NUDT1: variants seen among roughly 807,000 people sequenced by gnomAD.
The protein encoded by NUDT1 is nudix hydrolase 1.
A neutral mutation model predicts 11.3 loss-of-function variants in NUDT1; 16 were observed. That is an observed-to-expected ratio of 1.41 (90% CI 0.96 to 2.15). The LOEUF is 2.15. NUDT1 is among the 30% of genes most tolerant of loss of function. NUDT1 has a pLI of 0.00. For synonymous variants in NUDT1, 101 were observed against 84.4 expected (o/e 1.20, Z -1.08); for missense variants, 234 against 208.4 (o/e 1.12, Z -0.76).
chr7:2,246,172 C>T (rs1270445534), intron 2 of NUDT1, among the ~76,000 whole-genome samples: 1 of 152,216 alleles, frequency 6.6e-6, no homozygotes, highest in Non-Finnish European at 1.5e-5. Flanking sequence ...GCTAAGACTG[C>T]CCATCAGCTC....
chr7:2,246,878 A>C (rs1003924494), intron 2 of NUDT1, among the ~76,000 whole-genome samples: 1 of 152,150 alleles, frequency 6.6e-6, no homozygotes. Flanking sequence ...CGGCTTCCCA[A>C]AGTGCTGTGA....
At chr7:2,244,451 T>TTCCCCCCCCC in intron 1 of NUDT1, 112 bp from the exon 2 acceptor site, 18 of 981,610 alleles carry the variant, frequency 1.8e-5, no homozygotes, top group Non-Finnish European at 2.5e-5. Flanking sequence ...AGTTACAGCA[T>TTCCCCCCCCC]ACCCCCCCGC....
At chr7:2,247,408 C>T (rs769408104) in intron 2 of NUDT1, among the ~76,000 whole-genome samples, 1 of 152,132 alleles carries the variant, frequency 6.6e-6, no homozygotes, top group South Asian at 2.1e-4. Flanking sequence ...GGGACAGGCA[C>T]GTAGGGAGTA....
chr7:2,249,636 G>A, intron 2 of NUDT1: 2 of 605,636 alleles, frequency 3.3e-6, no homozygotes, highest in East Asian at 5.8e-5. Flanking sequence ...CCTCCCCAGA[G>A]CCTCTCAACC....
chr7:2,247,946 T>C (rs1794835060), intron 2 of NUDT1: 1 of 152,236 alleles, frequency 6.6e-6, no homozygotes, highest in South Asian at 2.1e-4. Flanking sequence ...GAAGCACACG[T>C]TCACTTTGTA....
At chr7:2,249,223 T>C (rs1378852755) in intron 2 of NUDT1, 1 of 153,986 alleles carries the variant, frequency 6.5e-6, no homozygotes, top group Non-Finnish European at 1.4e-5. Context: ...ACGTGTCCCG[T>C]GTGGTCAGCC....
At chr7:2,248,240 A>C (rs1260151754) in intron 2 of NUDT1, 1 of 152,200 alleles carries the variant, frequency 6.6e-6, no homozygotes, top group Non-Finnish European at 1.5e-5. Context: ...AGAGGAGGAG[A>C]CTGAGGTGCC....
At position 2,249,932 on chromosome 7, in the gene NUDT1, C is replaced by T. The variant is rs777621281; in HGVS notation, c.228C>T (p.Gly76=). 6.1e-5 allele frequency: 98 copies of T among 1,614,066 alleles called. No homozygotes were observed. The highest frequency in any genetic ancestry group is 8.0e-5 in the African/African-American group (6 of 74,934). ...GCCAGATCGTGTTTGAGTTCGTGGGCGAGCCTGAGCTCATGGACGTGCATG... is the reference window on the plus strand; with the variant it reads ...GCCAGATCGTGTTTGAGTTCGTGGGTGAGCCTGAGCTCATGGACGTGCATG... ...KVGQIVFEFV[G]EPELMDVHVF... Residue 76 remains glycine, a synonymous_variant, in exon 3 of 4, where the codon GGC becomes GGT. Coordinates refer to ENST00000356714, the MANE Select transcript of NUDT1 (RefSeq NM_002452.4).
rs1434384779 is a variant in NUDT1, at chr7:2,249,851, C to T, written c.153-6C>T. ...GCCTCCCTCCCCTGCCCACCTCTGC[C>T]CGCAGGGAGCTGCAGGAGGAGAGCG... On this transcript the variant is annotated splice_polypyrimidine_tract_variant and splice_region_variant and intron_variant, in intron 2 of 3. Transcript: ENST00000356714. 2 of 1,612,950 alleles carry T rather than the reference C, an allele frequency of 1.2e-6. No individual in the cohort carries two copies. Among genetic ancestry groups the T allele is most frequent in the Non-Finnish European group, 1.7e-6 (2 of 1,180,018 alleles).
Position 2,251,028 on chromosome 7 carries a change from G to GGA in NUDT1, c.*30_*31dup. The GGA allele has an allele frequency of 1.2e-6, 2 of 1,612,820 alleles. No homozygotes were observed. Among genetic ancestry groups the GGA allele is most frequent in the Non-Finnish European group, 1.7e-6 (2 of 1,179,420 alleles). ...GGGAGCCCAGGGCAGCCCCTGGGCA[G>GGA]GAGACGTGGCTGCTGAACAGCCGCA... is the stretch of plus-strand genomic sequence containing the variant. On this transcript the variant is annotated 3_prime_UTR_variant, in exon 4 of 4. Transcript: ENST00000356714.
At chr7:2,244,414 G>A in intron 1 of NUDT1, 149 bp from the exon 2 acceptor site, 1 of 743,036 alleles carries the variant, frequency 1.3e-6, no homozygotes, top group East Asian at 2.7e-5. Context: ...CCTGCCACAA[G>A]GGAAGCCACA....
chr7:2,244,832 G>C, intron 2 of NUDT1, 106 bp downstream of exon 2: 1 of 1,374,380 alleles, frequency 7.3e-7, no homozygotes, highest in South Asian at 1.3e-5. Context: ...AAGTGACCTG[G>C]AGCAGGGGGT....
At chr7:2,246,812 T>A (rs1282508849) in intron 2 of NUDT1, among the ~76,000 whole-genome samples, 1 of 152,058 alleles carries the variant, frequency 6.6e-6, no homozygotes, top group African/African-American at 2.4e-5. Context: ...GACGGGGGTT[T>A]CACCATGTTG....
intron 2 of NUDT1, among the ~76,000 whole-genome samples, chr7:2,246,531 T>C (rs34726594): frequency 0.012 from 1,840 of 152,268 alleles, 32 homozygotes; most frequent in African/African-American, 0.042. Flanking sequence ...ATGGAGGAAC[T>C]CCAGGTGGCT....
At chr7:2,243,591 G>A (rs1282447232) in intron 1 of NUDT1, among the ~76,000 whole-genome samples, 2 of 152,078 alleles carry the variant, frequency 1.3e-5, no homozygotes, top group Non-Finnish European at 2.9e-5. Context: ...TGGGCAACGT[G>A]ACAAAACCCC....
intron 2 of NUDT1, among the ~76,000 whole-genome samples, chr7:2,246,896 C>T (rs1419264362): frequency 6.6e-6 from 1 of 152,074 alleles, no homozygotes; most frequent in African/African-American, 2.4e-5. Flanking sequence ...TGATTACAGG[C>T]GTGAGCCACC....
intron 1 of NUDT1, among the ~76,000 whole-genome samples, chr7:2,244,025 G>A (rs766987313): frequency 1.5e-4 from 23 of 152,194 alleles, no homozygotes; most frequent in Non-Finnish European, 2.5e-4. Flanking sequence ...GCCTGGCTGG[G>A]TGGACCTGTG....
intron 1 of NUDT1, 73 bp from the exon 2 acceptor site, chr7:2,244,490 T>G: frequency 3.0e-6 from 2 of 669,180 alleles, no homozygotes; most frequent in Non-Finnish European, 4.5e-6. Flanking sequence ...GCACGTCCCC[T>G]TCCTCCTGGC....
At chr7:2,249,717 G>C in intron 2 of NUDT1, 140 bp from the exon 3 acceptor site, 1 of 986,410 alleles carries the variant, frequency 1.0e-6, no homozygotes, top group Non-Finnish European at 1.5e-6. Flanking sequence ...ATGCATTCTA[G>C]GGGACATCCT....
Sources: allele counts gnomAD v4.1 joint callset (sites outside exome capture counted in the v4.1 genomes callset), GRCh38; gene constraint gnomAD v4.1.1; transcripts MANE v1.5; gene names NCBI Gene and HGNC (gene_info 2026-07-23, HGNC 2026-07-21).